The following MARCHF1 variants were observed in gnomAD, a reference collection of about 807,000 sequenced individuals.
MARCHF1 encodes the protein membrane associated ring-CH-type finger 1.
In MARCHF1, 40 loss-of-function variants were observed where a neutral mutation model predicts 54.2. The ratio of observed to expected loss-of-function variants is 0.74; its 90% CI spans 0.57 to 0.96. MARCHF1 has a LOEUF of 0.96. Ranked by LOEUF, MARCHF1 falls within the 40% of genes least tolerant of loss-of-function variation. The pLI, the probability that MARCHF1 is intolerant of heterozygous loss-of-function variation, is 0.00. For missense variants in MARCHF1, 586 were observed against 656.5 expected, an observed-to-expected ratio of 0.89 and a Z score of 1.17; for synonymous variants, 236 against 236.3, an observed-to-expected ratio of 1.00 and a Z score of 0.01.
At chr4:163,578,321 T>C (rs1740105404) in intron 8 of MARCHF1, among the ~76,000 whole-genome samples, 1 of 152,140 alleles carries the variant, frequency 6.6e-6, no homozygotes, top group Admixed American at 6.5e-5. Flanking sequence ...AGTGAGGTTA[T>C]GTTTTCCCAG....
intron 1 of MARCHF1, among the ~76,000 whole-genome samples, chr4:164,215,526 G>A (rs1302212203): frequency 1.3e-5 from 2 of 152,144 alleles, no homozygotes; most frequent in Non-Finnish European, 2.9e-5. Flanking sequence ...CTAGGTCTGT[G>A]GGCACAGGCC....
chr4:163,980,508 T>G (rs1333656789), intron 3 of MARCHF1, among the ~76,000 whole-genome samples: 1 of 151,834 alleles, frequency 6.6e-6, no homozygotes, highest in Non-Finnish European at 1.5e-5. Flanking sequence ...AAAGCCAAAA[T>G]TGACAAATGG....
chr4:164,222,072 T>A (rs1057427709), intron 1 of MARCHF1, among the ~76,000 whole-genome samples: 1 of 152,056 alleles, frequency 6.6e-6, no homozygotes, highest in Admixed American at 6.6e-5. Flanking sequence ...ATTAACCCTA[T>A]AATTTAATAA....
chr4:164,091,163 CCT>C (rs906834931), intron 2 of MARCHF1, among the ~76,000 whole-genome samples: 1 of 151,772 alleles, frequency 6.6e-6, no homozygotes, highest in Admixed American at 6.6e-5. Flanking sequence ...AATTTTAACA[CCT>C]CTCTCTCTGT....
intron 5 of MARCHF1, among the ~76,000 whole-genome samples, chr4:163,662,094 G>C (rs1743363876): frequency 6.6e-6 from 1 of 151,928 alleles, no homozygotes; most frequent in African/African-American, 2.4e-5. Context: ...TTTGGTATGT[G>C]TAAGATGTAG....
chr4:163,992,978 AGT>A (rs907799474), intron 2 of MARCHF1, among the ~76,000 whole-genome samples: 4 of 151,958 alleles, frequency 2.6e-5, no homozygotes, highest in African/African-American at 9.7e-5. Flanking sequence ...CATTGCAAAG[AGT>A]GTCAAATGGC....
At chr4:163,944,133 A>ATTTTTTTTTTTTTT (rs5863642) in intron 3 of MARCHF1, among the ~76,000 whole-genome samples, 1 of 110,128 alleles carries the variant, frequency 9.1e-6, no homozygotes, top group African/African-American at 3.4e-5. Context: ...CACCGGGCTA[A>ATTTTTTTTTTTTTT]TTTTTTTTTT....
chr4:164,283,066 C>G (rs538374547), intron 1 of MARCHF1, among the ~76,000 whole-genome samples: 1 of 151,334 alleles, frequency 6.6e-6, no homozygotes, highest in South Asian at 2.1e-4. Flanking sequence ...AACTTGATAG[C>G]TCCACCAGAT....
intron 5 of MARCHF1, among the ~76,000 whole-genome samples, chr4:163,699,488 T>C (rs772593553): frequency 3.3e-5 from 5 of 152,180 alleles, no homozygotes; most frequent in Admixed American, 2.6e-4. Context: ...TGGTCACAAT[T>C]TTTTTCTTAA....
chr4:164,302,407 TA>T (rs1278219258), intron 1 of MARCHF1, among the ~76,000 whole-genome samples: 1 of 152,170 alleles, frequency 6.6e-6, no homozygotes. Flanking sequence ...TTTAGTAGTT[TA>T]AAAATCTTAA....
chr4:164,098,857 T>C (rs1014066474), intron 2 of MARCHF1, among the ~76,000 whole-genome samples: 1 of 152,182 alleles, frequency 6.6e-6, no homozygotes, highest in African/African-American at 2.4e-5. Context: ...TGTCTTTAGA[T>C]TAAAAACACA....
At chr4:164,295,332 C>A (rs1019290079) in intron 1 of MARCHF1, among the ~76,000 whole-genome samples, 1 of 152,026 alleles carries the variant, frequency 6.6e-6, no homozygotes, top group African/African-American at 2.4e-5. Flanking sequence ...GATTAGAATG[C>A]CCTTCTTGCA....
chr4:164,280,707 T>C (rs575576094), intron 1 of MARCHF1, among the ~76,000 whole-genome samples: 2 of 152,228 alleles, frequency 1.3e-5, no homozygotes, highest in South Asian at 4.1e-4. Flanking sequence ...AATGGAAACT[T>C]CCATTTTCCA....
At chr4:164,039,735 C>T (rs1267182352) in intron 2 of MARCHF1, among the ~76,000 whole-genome samples, 1 of 151,816 alleles carries the variant, frequency 6.6e-6, no homozygotes. Flanking sequence ...TGCTGCTTGA[C>T]AGTAGAGTTT....
intron 4 of MARCHF1, among the ~76,000 whole-genome samples, chr4:163,725,883 T>C (rs1441046813): frequency 6.6e-6 from 1 of 152,262 alleles, no homozygotes; most frequent in Admixed American, 6.5e-5. Flanking sequence ...TAATTTTTAC[T>C]AAACAACTAT....
intron 1 of MARCHF1, among the ~76,000 whole-genome samples, chr4:164,294,077 A>T (rs1442966202): frequency 6.6e-6 from 1 of 152,162 alleles, no homozygotes; most frequent in African/African-American, 2.4e-5. Flanking sequence ...TACACTGTAT[A>T]CTTCCTACCC....
intron 3 of MARCHF1, among the ~76,000 whole-genome samples, chr4:163,928,814 G>A (rs188267674): frequency 2.0e-3 from 298 of 151,734 alleles, no homozygotes; most frequent in African/African-American, 7.0e-3. Flanking sequence ...TTTTCACTGG[G>A]TTTTAAATTT....
chr4:163,916,057 T>C (rs565799961), intron 3 of MARCHF1, among the ~76,000 whole-genome samples: 1 of 152,308 alleles, frequency 6.6e-6, no homozygotes, highest in African/African-American at 2.4e-5. Context: ...AGAACCTGAT[T>C]TGAATCTGCT....
chr4:164,027,956 C>A (rs2110984587), intron 2 of MARCHF1, among the ~76,000 whole-genome samples: 1 of 152,138 alleles, frequency 6.6e-6, no homozygotes, highest in Middle Eastern at 3.4e-3. Flanking sequence ...AAAAGACATA[C>A]AAGTGGCCAA....
Sources: allele counts gnomAD v4.1 joint callset (sites outside exome capture counted in the v4.1 genomes callset), GRCh38; gene constraint gnomAD v4.1.1; transcripts MANE v1.5; gene names NCBI Gene and HGNC (gene_info 2026-07-23, HGNC 2026-07-21).